BMP7: variants seen among roughly 807,000 people sequenced by gnomAD.
BMP7 encodes osteogenic protein 1.
Under a neutral mutation model 41.2 loss-of-function variants are expected in BMP7, and 12 were observed. The observed-to-expected ratio is 0.29, with a 90% CI of 0.19 to 0.47. BMP7 has a LOEUF of 0.47. BMP7 is among the 20% of genes least tolerant of loss of function. The probability of loss-of-function intolerance (pLI) is 0.99; values close to 1 mark genes in which losing one functional copy is unlikely to be tolerated. For missense variants in BMP7, 467 were observed against 606.0 expected (o/e 0.77, Z 2.41); for synonymous variants, 248 against 250.0 (o/e 0.99, Z 0.07).
intron 1 of BMP7, among the ~76,000 whole-genome samples, chr20:57,234,376 A>C (rs1408540349): frequency 6.6e-6 from 1 of 152,192 alleles, no homozygotes; most frequent in African/African-American, 2.4e-5. Context: ...CTGGTCTGTG[A>C]GAAAGAAGCT....
intron 4 of BMP7, among the ~76,000 whole-genome samples, chr20:57,180,119 A>AC (rs1452917188): frequency 6.6e-6 from 1 of 151,790 alleles, no homozygotes; most frequent in Non-Finnish European, 1.5e-5. Context: ...GCCTCTGAGC[A>AC]CCCCCTCGGC....
At chr20:57,208,597 A>G (rs527947357) in intron 2 of BMP7, among the ~76,000 whole-genome samples, 2 of 152,348 alleles carry the variant, frequency 1.3e-5, no homozygotes, top group East Asian at 3.9e-4. Context: ...CCACAGAAGC[A>G]ATTAAAATAC....
intron 1 of BMP7, among the ~76,000 whole-genome samples, chr20:57,249,259 G>T (rs1019278809): frequency 4.0e-5 from 6 of 151,886 alleles, no homozygotes; most frequent in Non-Finnish European, 8.8e-5. Flanking sequence ...TGTAGGACCT[G>T]TATCATACCA....
intron 1 of BMP7, among the ~76,000 whole-genome samples, chr20:57,257,007 T>C: frequency 6.6e-6 from 1 of 152,200 alleles, no homozygotes; most frequent in East Asian, 1.9e-4. Flanking sequence ...GGTAGAAATA[T>C]TAAAAGCCAA....
At chr20:57,177,710 T>G (rs1228472414) in intron 4 of BMP7, 1 of 152,216 alleles carries the variant, frequency 6.6e-6, no homozygotes, top group African/African-American at 2.4e-5. Context: ...GAAATTACAT[T>G]TAATTGATTA....
chr20:57,205,096 T>C (rs947609842), intron 2 of BMP7, among the ~76,000 whole-genome samples: 1 of 152,232 alleles, frequency 6.6e-6, no homozygotes, highest in Admixed American at 6.5e-5. Context: ...CGCCTAGATC[T>C]TGGACTTCCC....
chr20:57,252,736 A>G (rs764134053), intron 1 of BMP7, among the ~76,000 whole-genome samples: 2 of 152,182 alleles, frequency 1.3e-5, no homozygotes, highest in Non-Finnish European at 2.9e-5. Context: ...TAACCCGTCC[A>G]TCTAGAAATG....
At chr20:57,173,397 C>A (rs1983854181) in intron 5 of BMP7, 87 bp from the exon 6 acceptor site, 1 of 1,303,578 alleles carries the variant, frequency 7.7e-7, no homozygotes, top group East Asian at 2.5e-5. Context: ...AACCACCACG[C>A]CAGGCTCACG....
At chr20:57,203,510 T>C (rs1731113571) in intron 2 of BMP7, among the ~76,000 whole-genome samples, 1 of 151,608 alleles carries the variant, frequency 6.6e-6, no homozygotes, top group Non-Finnish European at 1.5e-5. Flanking sequence ...GATGAGTAGA[T>C]GGGTGGGCGG....
intron 1 of BMP7, among the ~76,000 whole-genome samples, chr20:57,260,173 G>C (rs2066148504): frequency 6.6e-6 from 1 of 152,166 alleles, no homozygotes; most frequent in South Asian, 2.1e-4. Flanking sequence ...GTGAGAACAG[G>C]CTCAAAATGA....
chr20:57,243,223 G>A lies in BMP7; in HGVS notation c.419-14802C>T, dbSNP rs185853370. Among the ~76,000 whole-genome samples the A allele has an allele frequency of 2.2e-3, 331 of 152,246 alleles. 1 individual carries two copies. Among genetic ancestry groups the A allele is most frequent in the Middle Eastern group, 0.02 (6 of 294 alleles). ...TAAAACTGTGGGATTGGTGGCTCAC[G>A]CCCATAATCCCAGCACTTTGGGAGG... On this transcript the variant is annotated intron_variant, in intron 1 of 6. Coordinates refer to ENST00000395863, the MANE Select transcript of BMP7 (RefSeq NM_001719.3).
chr20:57,179,619 G>T (rs932422380), intron 4 of BMP7, among the ~76,000 whole-genome samples: 1 of 152,224 alleles, frequency 6.6e-6, no homozygotes, highest in Non-Finnish European at 1.5e-5. Flanking sequence ...CAGGGCTGCC[G>T]AGAGATTCAA....
intron 1 of BMP7, among the ~76,000 whole-genome samples, chr20:57,239,370 G>A (rs1011589680): frequency 6.6e-6 from 1 of 152,236 alleles, no homozygotes; most frequent in Non-Finnish European, 1.5e-5. Context: ...TGATGCAAGA[G>A]GTGGCTTCCC....
At position 57,221,977 on chromosome 20, in the gene BMP7, T is replaced by C. The variant is rs145473835; in HGVS notation, c.611+6252A>G. ...CTTCTCCCAGCATAGACAAGTGTCA[T>C]GGGAGAGAGGAGGCTCCAAGATCGC... On this transcript the variant is annotated intron_variant, in intron 2 of 6. Coordinates refer to ENST00000395863, the MANE Select transcript of BMP7 (RefSeq NM_001719.3). Among the ~76,000 whole-genome samples, 1,458 of 152,178 alleles carry C rather than the reference T, an allele frequency of 9.6e-3. 16 individuals carry two copies. The highest frequency in any genetic ancestry group is 0.022 in the African/African-American group (899 of 41,498).
At chr20:57,229,702 AGCAGAACCAGTTTG>A (rs1163519316) in intron 1 of BMP7, among the ~76,000 whole-genome samples, 2 of 152,208 alleles carry the variant, frequency 1.3e-5, no homozygotes, top group East Asian at 3.8e-4. Context: ...AGGGAGAAAG[AGCAGAACCAGTTTG>A]GCCAGCAGAT....
intron 3 of BMP7, among the ~76,000 whole-genome samples, chr20:57,193,770 A>G (rs996988204): frequency 2.6e-5 from 4 of 152,174 alleles, no homozygotes; most frequent in African/African-American, 9.7e-5. Context: ...TTCTGATGTA[A>G]AGCAGAAATT....
chr20:57,206,522 C>T (rs898632046), intron 2 of BMP7, among the ~76,000 whole-genome samples: 4 of 152,178 alleles, frequency 2.6e-5, no homozygotes, highest in Admixed American at 2.6e-4. Context: ...GGATAAGAGA[C>T]ACATAGGAAG....
At chr20:57,176,732 AC>A (rs1356723641) in intron 4 of BMP7, among the ~76,000 whole-genome samples, 1 of 135,792 alleles carries the variant, frequency 7.4e-6, no homozygotes, top group Non-Finnish European at 1.6e-5. Flanking sequence ...GAAATTTGAA[AC>A]TACGCACATT....
At chr20:57,198,637 G>T (rs1297535777) in intron 3 of BMP7, among the ~76,000 whole-genome samples, 1 of 152,182 alleles carries the variant, frequency 6.6e-6, no homozygotes, top group Non-Finnish European at 1.5e-5. Context: ...GGGAAAAGAC[G>T]CACGCTTCCT....
Sources: gnomAD v4.1 joint callset for allele counts (sites outside exome capture counted in the v4.1 genomes callset) on GRCh38, gnomAD v4.1.1 for gene constraint, MANE v1.5 for transcripts, NCBI Gene and HGNC (gene_info 2026-07-23, HGNC 2026-07-21) for gene names.